The following HSPA14 variants were observed in gnomAD, a reference collection of about 807,000 sequenced individuals.
The protein encoded by HSPA14 is heat shock 70 kDa protein 14.
Under a neutral mutation model 65.5 loss-of-function variants are expected in HSPA14, and 37 were observed. The observed-to-expected ratio is 0.56, with a 90% CI of 0.43 to 0.74. The LOEUF (loss-of-function observed/expected upper bound fraction) is 0.74. Ranked by LOEUF, HSPA14 falls within the 30% of genes least tolerant of loss-of-function variation. The pLI is 0.00. For missense variants in HSPA14, 564 were observed against 607.6 expected (o/e 0.93, Z 0.75); for synonymous variants, 203 against 214.2 (o/e 0.95, Z 0.46).
intron 12 of HSPA14, among the ~76,000 whole-genome samples, chr10:14,869,587 G>C (rs151154506): frequency 6.6e-6 from 1 of 152,146 alleles, no homozygotes; most frequent in Non-Finnish European, 1.5e-5. Context: ...GAGCCACCAC[G>C]CCTGGCCACA....
Position 14,867,176 on chromosome 10 carries a change from C to T in HSPA14, c.1087C>T (p.Pro363Ser), listed in dbSNP as rs1436417127. 6.2e-7 allele frequency: 1 copy of T among 1,613,402 alleles called. No homozygotes were observed. Among genetic ancestry groups the T allele is most frequent in the Non-Finnish European group, 8.5e-7 (1 of 1,179,426 alleles). ...TGTTGAGCTTCTCAATTCTATCCCT[C>T]CTGATGAAGTGATCCCTATTGGTGC... ...PAVELLNSIP[P>S]DEVIPIGAAI... Residue 363 changes from proline to serine, a missense_variant, in exon 11 of 14, where the codon CCT becomes TCT. Pro to Ser is a moderately conservative substitution (Grantham distance 74). Coordinates refer to ENST00000378372, the MANE Select transcript of HSPA14 (RefSeq NM_016299.4).
At chr10:14,869,112 G>C (rs1232645803) in intron 12 of HSPA14, among the ~76,000 whole-genome samples, 1 of 151,956 alleles carries the variant, frequency 6.6e-6, no homozygotes, top group Non-Finnish European at 1.5e-5. Context: ...TCCCAAAGCA[G>C]TATTGTTTTT....
At chr10:14,856,267 C>A (rs1411696458) in intron 10 of HSPA14, among the ~76,000 whole-genome samples, 1 of 152,172 alleles carries the variant, frequency 6.6e-6, no homozygotes, top group Non-Finnish European at 1.5e-5. Flanking sequence ...TGAATACTCA[C>A]AATAACTCTG....
chr10:14,848,815 G>A lies in HSPA14; in HGVS notation c.296G>A (p.Arg99Gln), dbSNP rs766422205. The A allele has an allele frequency of 1.0e-4, 161 of 1,575,878 alleles. No homozygotes were observed. Among genetic ancestry groups the A allele is most frequent in the Middle Eastern group, 1.7e-4 (1 of 5,906 alleles). ...GTCATTGAAAAAAATGGGAAATTAC[G>A]ATATGAAATAGATACTGGAGAAGAA... ...CLVIEKNGKL[R>Q]YEIDTGEETK... The change falls in exon 5 of 14, where the codon CGA becomes CAA. Residue 99 changes from arginine (R) to glutamine (Q), a missense_variant. Transcript: ENST00000378372.
intron 12 of HSPA14, among the ~76,000 whole-genome samples, chr10:14,869,215 TTGTG>T (rs1054380732): frequency 4.7e-5 from 7 of 148,990 alleles, no homozygotes; most frequent in East Asian, 2.0e-4. Context: ...TGATGAGATA[TTGTG>T]TGTGTACGTG....
intron 10 of HSPA14, among the ~76,000 whole-genome samples, chr10:14,858,235 A>G (rs149578288): frequency 2.0e-4 from 30 of 152,330 alleles, no homozygotes; most frequent in African/African-American, 6.7e-4. Flanking sequence ...TATCGTGACA[A>G]ATAAGCATCA....
chr10:14,864,675 T>C lies in HSPA14; in HGVS notation c.994-2408T>C, dbSNP rs567254009. 2.6e-5 allele frequency among the ~76,000 whole-genome samples: 4 copies of C among 152,378 alleles called. No homozygotes were observed. In the South Asian group the frequency reaches 6.2e-4, roughly 24 times the overall value. On this transcript the variant is annotated intron_variant, in intron 10 of 13. Transcript: ENST00000378372. ...GAACTCGTCATTTTTTATGGCTGCA[T>C]AGTATTCCATGGTGTATATGTGCCA...
Position 14,838,334 on chromosome 10 carries a change from G to C in HSPA14, c.-69G>C, listed in dbSNP as rs975454454. ...AAGCTCCGCGGTGCCTGATGGGGCC[G>C]TTGGGCGGCCGGTAGCTGTTGCTGT... On this transcript the variant is annotated 5_prime_UTR_variant, in exon 1 of 14. Coordinates refer to ENST00000378372, the MANE Select transcript of HSPA14 (RefSeq NM_016299.4). 10 of 1,492,656 alleles carry C rather than the reference G, an allele frequency of 6.7e-6. No individual in the cohort carries two copies. In the South Asian group the frequency reaches 1.2e-4, roughly 18 times the overall value. 92.5% of individuals were successfully genotyped at this position (1,492,656 alleles called of 1,614,324 possible). A position where few individuals can be genotyped will look rare whatever the true frequency, so the allele number is the denominator to read the frequency against.
Position 14,842,436 on chromosome 10 carries a change from A to G in HSPA14, c.221+2279A>G. 1 of 1,536,198 alleles carries G rather than the reference A, an allele frequency of 6.5e-7. No individual in the cohort carries two copies. The highest frequency in any genetic ancestry group is 2.4e-5 in the East Asian group (1 of 40,926). ...TATCAGGCTGTGTCTAAGCGAATGC[A>G]GCAGGAGGGCTTCCGCCGCACCGAA... On this transcript the variant is annotated intron_variant, in intron 3 of 13. Transcript: ENST00000378372. This position sits in a 1 kb window ranked among gnomAD's most constrained non-coding sequence, Gnocchi z 5.2.
intron 12 of HSPA14, among the ~76,000 whole-genome samples, chr10:14,870,005 T>C (rs1832840895): frequency 6.6e-6 from 1 of 152,248 alleles, no homozygotes; most frequent in Non-Finnish European, 1.5e-5. Flanking sequence ...ACCTAAGTTA[T>C]TAAACTAGAG....
At chr10:14,841,161 C>T (rs1833967023) in intron 3 of HSPA14, 2 of 152,050 alleles carry the variant, frequency 1.3e-5, no homozygotes, top group South Asian at 4.1e-4. Flanking sequence ...AATCTTTTTC[C>T]TCAGGATACT....
At chr10:14,863,197 A>G (rs546935883) in intron 10 of HSPA14, among the ~76,000 whole-genome samples, 182 of 152,090 alleles carry the variant, frequency 1.2e-3, no homozygotes, top group Admixed American at 3.5e-3. Flanking sequence ...GCAATAATTT[A>G]TAATTTTTAT....
chr10:14,870,442 G>C (rs759896851), intron 12 of HSPA14, among the ~76,000 whole-genome samples, 155 bp from the exon 13 acceptor site: 8 of 152,100 alleles, frequency 5.3e-5, no homozygotes, highest in Non-Finnish European at 1.2e-4. Context: ...CCTATTCTCT[G>C]AATTCTGATT....
chr10:14,856,061 G>A (rs1832690670), intron 10 of HSPA14, 118 bp downstream of exon 10: 1 of 649,584 alleles, frequency 1.5e-6, no homozygotes, highest in Non-Finnish European at 2.7e-6. Context: ...CTTAGATTGT[G>A]TTAATGAATA....
At chr10:14,870,431 T>G (rs1010947329) in intron 12 of HSPA14, among the ~76,000 whole-genome samples, 166 bp from the exon 13 acceptor site, 1 of 152,180 alleles carries the variant, frequency 6.6e-6, no homozygotes, top group Non-Finnish European at 1.5e-5. Context: ...AAAGCTTCAC[T>G]CCTATTCTCT....
rs78162325 is a variant in HSPA14, at chr10:14,864,180, G to A, written c.994-2903G>A. Among the ~76,000 whole-genome samples the A allele has an allele frequency of 8.1e-5, 12 of 147,404 alleles. No individual in the cohort carries two copies. In the East Asian group the frequency reaches 2.2e-3, roughly 27 times the overall value. On this transcript the variant is annotated intron_variant, in intron 10 of 13. Transcript: ENST00000378372. ...GGAATTTGAGGCTGCAGTGAGCTAT[G>A]ACTGTACCACTGCAACTCCAGCCCG...
At chr10:14,867,661 C>T in intron 11 of HSPA14, 75 bp from the exon 12 acceptor site, 6 of 1,281,054 alleles carry the variant, frequency 4.7e-6, no homozygotes, top group Non-Finnish European at 6.5e-6. Flanking sequence ...ATATATATCT[C>T]ATTTATAATG....
intron 12 of HSPA14, among the ~76,000 whole-genome samples, chr10:14,870,375 A>G (rs1477243418): frequency 6.6e-6 from 1 of 152,200 alleles, no homozygotes. Context: ...CAAATGCATT[A>G]GTTATCTTAT....
chr10:14,857,012 TGTGA>T (rs1325681103), intron 10 of HSPA14, among the ~76,000 whole-genome samples: 1 of 152,244 alleles, frequency 6.6e-6, no homozygotes, highest in African/African-American at 2.4e-5. Flanking sequence ...GCTATAGTTT[TGTGA>T]GTTTTTTTAA....
Sources: allele counts gnomAD v4.1 joint callset (sites outside exome capture counted in the v4.1 genomes callset), GRCh38; gene constraint gnomAD v4.1.1; non-coding constraint Gnocchi (gnomAD v3.1); transcripts MANE v1.5; gene names NCBI Gene and HGNC (gene_info 2026-07-23, HGNC 2026-07-21).